CDKAL1: variants seen among roughly 807,000 people sequenced by gnomAD.
CDKAL1 encodes the protein threonylcarbamoyladenosine tRNA methylthiotransferase.
CDKAL1 carries 32 observed loss-of-function variants against 68.2 expected under a neutral mutation model. The observed-to-expected ratio is 0.47, with a 90% CI of 0.35 to 0.63. CDKAL1 has a LOEUF of 0.63. CDKAL1 is among the 30% of genes least tolerant of loss of function. The probability of loss-of-function intolerance (pLI) is 0.00; values close to 1 mark genes in which losing one functional copy is unlikely to be tolerated. For synonymous variants in CDKAL1, 234 were observed against 244.3 expected, an observed-to-expected ratio of 0.96 and a Z score of 0.39; for missense variants, 606 against 696.7, an observed-to-expected ratio of 0.87 and a Z score of 1.47.
chr6:21,178,865 T>A (rs1777685163), intron 13 of CDKAL1, among the ~76,000 whole-genome samples: 2 of 152,260 alleles, frequency 1.3e-5, no homozygotes, highest in African/African-American at 4.8e-5. Flanking sequence ...CTCCAACCTC[T>A]GCAGGTTTCA....
intron 13 of CDKAL1, among the ~76,000 whole-genome samples, chr6:21,131,250 G>A (rs1775303872): frequency 6.6e-6 from 1 of 152,100 alleles, no homozygotes; most frequent in South Asian, 2.1e-4. Flanking sequence ...AAATCTGGTT[G>A]GCTCTGATAG....
chr6:20,629,625 C>T (rs776504640), intron 4 of CDKAL1, among the ~76,000 whole-genome samples: 13 of 152,130 alleles, frequency 8.5e-5, no homozygotes, highest in Non-Finnish European at 1.6e-4. Context: ...GGAGTGATAC[C>T]TGCCTCACTC....
At chr6:20,536,278 T>G (rs1360586368) in intron 2 of CDKAL1, among the ~76,000 whole-genome samples, 1 of 152,124 alleles carries the variant, frequency 6.6e-6, no homozygotes, top group East Asian at 1.9e-4. Context: ...CTTTTGTTGC[T>G]TGTGCTTTTC....
intron 9 of CDKAL1, among the ~76,000 whole-genome samples, chr6:20,902,331 AC>A: frequency 1.3e-5 from 2 of 149,922 alleles, no homozygotes; most frequent in South Asian, 2.1e-4. Context: ...ACACACACAC[AC>A]ACACACACAC....
chr6:21,108,522 A>G, intron 13 of CDKAL1, 59 bp downstream of exon 13: 2 of 1,069,428 alleles, frequency 1.9e-6, no homozygotes, highest in Non-Finnish European at 2.8e-6. Flanking sequence ...TGTATAGTAC[A>G]ATTTTCACCA....
intron 13 of CDKAL1, among the ~76,000 whole-genome samples, chr6:21,184,912 C>T (rs1298500547): frequency 6.6e-6 from 1 of 150,540 alleles, no homozygotes; most frequent in Non-Finnish European, 1.5e-5. Context: ...AGTGATCTAC[C>T]CACCTCAACC....
intron 6 of CDKAL1, among the ~76,000 whole-genome samples, chr6:20,746,864 G>A (rs1336237845): frequency 3.9e-5 from 6 of 152,036 alleles, no homozygotes; most frequent in Admixed American, 3.9e-4. Context: ...TGTGTAGTAA[G>A]AGCACCTAAT....
At chr6:20,829,920 A>G (rs910946438) in intron 8 of CDKAL1, among the ~76,000 whole-genome samples, 1 of 152,174 alleles carries the variant, frequency 6.6e-6, no homozygotes, top group Non-Finnish European at 1.5e-5. Flanking sequence ...GCAGTGGCAC[A>G]ATTTCAGCTC....
At chr6:20,955,650 CTCAGTATCA>C in intron 10 of CDKAL1, 65 bp downstream of exon 10, 1 of 1,407,402 alleles carries the variant, frequency 7.1e-7, no homozygotes, top group Non-Finnish European at 9.8e-7. Context: ...GTGTGGCAGC[CTCAGTATCA>C]TCACATCAGC....
At chr6:20,990,840 G>T (rs557511229) in intron 10 of CDKAL1, among the ~76,000 whole-genome samples, 2 of 152,300 alleles carry the variant, frequency 1.3e-5, no homozygotes, top group South Asian at 4.1e-4. Flanking sequence ...TAGAACACTG[G>T]CATTGGTCTT....
chr6:20,841,967 C>T (rs943484413), intron 8 of CDKAL1, among the ~76,000 whole-genome samples: 1 of 152,156 alleles, frequency 6.6e-6, no homozygotes, highest in Non-Finnish European at 1.5e-5. Flanking sequence ...GTTCAACAGC[C>T]ATCTCATTTT....
At chr6:20,822,101 G>A (rs1296529217) in intron 8 of CDKAL1, among the ~76,000 whole-genome samples, 1 of 152,074 alleles carries the variant, frequency 6.6e-6, no homozygotes, top group Non-Finnish European at 1.5e-5. Flanking sequence ...AGACCTATGG[G>A]TCCTCAAAAC....
rs71530402 is a variant in CDKAL1 at position 21,232,003 on chromosome 6, G to GTTTTTTT, written c.*969_*970insTTTTTTT. The GTTTTTTT allele has an allele frequency of 6.4e-4, 49 of 76,090 alleles. No individual in the cohort carries two copies. The highest frequency in any genetic ancestry group is 0.01 in the Middle Eastern group (1 of 98). The allele number at this position is 76,090 out of a possible 1,614,324, so 4.7% of individuals were successfully genotyped here. On this transcript the variant is annotated 3_prime_UTR_variant, in exon 16 of 16. Coordinates refer to ENST00000274695, the MANE Select transcript of CDKAL1 (RefSeq NM_017774.3). ...TTTGATCCATTGGGGTTTTTTTTTT[G>GTTTTTTT]TTTTTGTTTTTTTTTTTTTTTGAGT...
At chr6:20,817,011 A>C (rs1777074820) in intron 8 of CDKAL1, among the ~76,000 whole-genome samples, 1 of 152,144 alleles carries the variant, frequency 6.6e-6, no homozygotes, top group South Asian at 2.1e-4. Flanking sequence ...CTTTGAGGAC[A>C]TTGTGTGTTA....
rs1004197810 is a variant in CDKAL1 at position 20,580,470 on chromosome 6, C to T, written c.286+31765C>T. Among the ~76,000 whole-genome samples, 4 of 152,196 alleles carry T rather than the reference C, an allele frequency of 2.6e-5. No homozygotes were observed. In the South Asian group the frequency reaches 8.3e-4, roughly 32 times the overall value. ...GTCTCAGGATGCATCAGTGACTGTG[C>T]TGTCGGTGCACTATTATGGCCACTT... On this transcript the variant is annotated intron_variant, in intron 4 of 15. Coordinates refer to ENST00000274695, the MANE Select transcript of CDKAL1 (RefSeq NM_017774.3).
At chr6:20,655,644 A>C (rs1407281896) in intron 5 of CDKAL1, among the ~76,000 whole-genome samples, 1 of 152,196 alleles carries the variant, frequency 6.6e-6, no homozygotes, top group Non-Finnish European at 1.5e-5. Context: ...AAGAATCTAA[A>C]CTAATGCTTG....
chr6:20,989,715 A>G (rs1367786417), intron 10 of CDKAL1, among the ~76,000 whole-genome samples: 2 of 152,170 alleles, frequency 1.3e-5, no homozygotes, highest in African/African-American at 4.8e-5. Context: ...TTTATAGCGT[A>G]TACCTGTTCA....
At chr6:20,697,405 G>T (rs913977979) in intron 5 of CDKAL1, among the ~76,000 whole-genome samples, 1 of 152,140 alleles carries the variant, frequency 6.6e-6, no homozygotes, top group African/African-American at 2.4e-5. Flanking sequence ...GAAAGATAAT[G>T]TGATAATAAT....
At chr6:20,788,529 C>G (rs1438905485) in intron 8 of CDKAL1, among the ~76,000 whole-genome samples, 1 of 152,140 alleles carries the variant, frequency 6.6e-6, no homozygotes, top group Admixed American at 6.6e-5. Flanking sequence ...GGAAAGAGCT[C>G]TGCACTTGGA....
Sources: gnomAD v4.1 joint callset for allele counts (sites outside exome capture counted in the v4.1 genomes callset) on GRCh38, gnomAD v4.1.1 for gene constraint, MANE v1.5 for transcripts, NCBI Gene and HGNC (gene_info 2026-07-23, HGNC 2026-07-21) for gene names.